Variants in PCSK2 observed in about 807,000 individuals in gnomAD.
The protein encoded by PCSK2 is neuroendocrine convertase 2.
Under a neutral mutation model 69.7 loss-of-function variants are expected in PCSK2, and 14 were observed. The ratio of observed to expected loss-of-function variants is 0.20; its 90% CI spans 0.13 to 0.31. The LOEUF (loss-of-function observed/expected upper bound fraction) is 0.31. Ranked by LOEUF, PCSK2 falls within the 10% of genes least tolerant of loss-of-function variation. The probability of loss-of-function intolerance (pLI) is 1.00; values close to 1 mark genes in which losing one functional copy is unlikely to be tolerated. For synonymous variants in PCSK2, 307 were observed against 320.7 expected (o/e 0.96, Z 0.46); for missense variants, 544 against 842.5 (o/e 0.65, Z 4.39).
chr20:17,352,757 C>T (rs75779090), intron 2 of PCSK2, among the ~76,000 whole-genome samples: 8,897 of 152,144 alleles, frequency 0.058, 477 homozygotes, highest in South Asian at 0.25. Context: ...TAGAAGAAAA[C>T]CTAGGAAATG....
chr20:17,465,899 G>A (rs1742728287), intron 11 of PCSK2, among the ~76,000 whole-genome samples: 1 of 152,036 alleles, frequency 6.6e-6, no homozygotes, highest in African/African-American at 2.4e-5. Context: ...AAACTCCTGG[G>A]TTCAAGTGAT....
intron 2 of PCSK2, among the ~76,000 whole-genome samples, chr20:17,308,577 G>A (rs1040325724): frequency 2.6e-5 from 4 of 152,210 alleles, no homozygotes; most frequent in Admixed American, 6.5e-5. Context: ...CATGTATCAA[G>A]TAGCTATTGT....
chr20:17,366,989 A>G (rs1339690671), intron 4 of PCSK2, among the ~76,000 whole-genome samples: 1 of 152,100 alleles, frequency 6.6e-6, no homozygotes, highest in Non-Finnish European at 1.5e-5. Flanking sequence ...CTGTTGGAAA[A>G]TATATTCTCT....
chr20:17,395,129 C>G (rs935670793), intron 5 of PCSK2, among the ~76,000 whole-genome samples: 1 of 152,134 alleles, frequency 6.6e-6, no homozygotes, highest in African/African-American at 2.4e-5. Flanking sequence ...GTTTATCTCC[C>G]AAGGTCACGA....
chr20:17,260,603 G>T (rs1987343051), intron 2 of PCSK2, among the ~76,000 whole-genome samples: 1 of 152,182 alleles, frequency 6.6e-6, no homozygotes, highest in African/African-American at 2.4e-5. Context: ...CTTCTCCTGA[G>T]TTATTATTGG....
In PCSK2 at chr20:17,484,062, A is replaced by G. The variant is rs1011311640; in HGVS notation, c.*1992A>G. On this transcript the variant is annotated 3_prime_UTR_variant, in exon 12 of 12. Coordinates refer to ENST00000262545, the MANE Select transcript of PCSK2 (RefSeq NM_002594.5). ...TCTAAAAGAATATTCAGAGAATATC[A>G]AGATGATTCTGGCTGAAAAAGGCCA... 2.0e-5 allele frequency: 3 copies of G among 152,560 alleles called. No homozygotes were observed. Among genetic ancestry groups the G allele is most frequent in the African/African-American group, 7.2e-5 (3 of 41,470 alleles). 9.5% of individuals were successfully genotyped at this position (152,560 alleles called of 1,614,324 possible).
chr20:17,310,840 A>T (rs1169335961), intron 2 of PCSK2, among the ~76,000 whole-genome samples: 2 of 151,492 alleles, frequency 1.3e-5, no homozygotes, highest in Admixed American at 1.3e-4. Flanking sequence ...AAATACAAAA[A>T]TTTTTATTTT....
At chr20:17,329,418 T>A (rs1990152706) in intron 2 of PCSK2, among the ~76,000 whole-genome samples, 1 of 152,206 alleles carries the variant, frequency 6.6e-6, no homozygotes, top group Admixed American at 6.5e-5. Flanking sequence ...ATGAAAATGT[T>A]CCCAATTATT....
chr20:17,359,201 C>A (rs2328174), intron 3 of PCSK2, among the ~76,000 whole-genome samples: 114,113 of 152,172 alleles, frequency 0.75, 43,053 homozygotes, highest in African/African-American at 0.81. Flanking sequence ...TAAATTACAG[C>A]CTTGTGGACG....
At chr20:17,258,983 C>G (rs1315554104) in intron 1 of PCSK2, among the ~76,000 whole-genome samples, 1 of 151,726 alleles carries the variant, frequency 6.6e-6, no homozygotes, top group Non-Finnish European at 1.5e-5. Context: ...TAAATTTACT[C>G]TACATTTTCT....
intron 5 of PCSK2, among the ~76,000 whole-genome samples, chr20:17,400,573 A>G (rs1163274004): frequency 2.6e-5 from 4 of 152,230 alleles, no homozygotes; most frequent in Non-Finnish European, 5.9e-5. Context: ...TACAGTAAAA[A>G]AAAATTACAC....
chr20:17,335,297 C>T (rs6044739), intron 2 of PCSK2, among the ~76,000 whole-genome samples: 85,433 of 143,250 alleles, frequency 0.6, 26,824 homozygotes, highest in East Asian at 0.97. Flanking sequence ...GACCAAAGCT[C>T]AGCCTCTCCA....
intron 2 of PCSK2, among the ~76,000 whole-genome samples, chr20:17,331,698 G>A (rs188924506): frequency 7.9e-5 from 12 of 151,786 alleles, no homozygotes; most frequent in African/African-American, 2.7e-4. Context: ...TGGAGAGAAG[G>A]TAAAAATAAT....
chr20:17,234,779 A>G (rs898523807), intron 1 of PCSK2, among the ~76,000 whole-genome samples: 1 of 152,206 alleles, frequency 6.6e-6, no homozygotes, highest in Admixed American at 6.5e-5. Flanking sequence ...TTAGGTTCAC[A>G]ATAATTATAT....
chr20:17,310,105 G>T (rs1036676034), intron 2 of PCSK2, among the ~76,000 whole-genome samples: 1 of 151,760 alleles, frequency 6.6e-6, no homozygotes, highest in Non-Finnish European at 1.5e-5. Context: ...GGGGGGAGGT[G>T]CTAAAACACA....
At chr20:17,448,784 A>G (rs1327990147) in intron 8 of PCSK2, among the ~76,000 whole-genome samples, 2 of 152,056 alleles carry the variant, frequency 1.3e-5, no homozygotes, top group African/African-American at 4.8e-5. Context: ...AAAAGTTTCC[A>G]TTTGGTAAAA....
chr20:17,377,820 C>T (rs1253869522), intron 5 of PCSK2, among the ~76,000 whole-genome samples: 1 of 152,202 alleles, frequency 6.6e-6, no homozygotes, highest in Non-Finnish European at 1.5e-5. Flanking sequence ...TTTATTTTTA[C>T]AGAAACATAC....
chr20:17,415,520 C>T (rs1217999899), intron 6 of PCSK2, among the ~76,000 whole-genome samples: 5 of 151,626 alleles, frequency 3.3e-5, no homozygotes, highest in African/African-American at 1.2e-4. Flanking sequence ...TAAACTGCTG[C>T]TCAACAAAAG....
chr20:17,409,399 T>C (rs1272380215), intron 6 of PCSK2, 60 bp downstream of exon 6: 12 of 1,201,758 alleles, frequency 1.0e-5, no homozygotes, highest in Non-Finnish European at 1.5e-5. Context: ...TTCTACTTTG[T>C]TTTGTTTCAG....
Sources: allele counts gnomAD v4.1 joint callset (sites outside exome capture counted in the v4.1 genomes callset), GRCh38; gene constraint gnomAD v4.1.1; transcripts MANE v1.5; gene names NCBI Gene and HGNC (gene_info 2026-07-23, HGNC 2026-07-21).